The following PRELID2 variants were observed in gnomAD, a reference collection of about 807,000 sequenced individuals.
The protein encoded by PRELID2 is PRELI domain containing 2.
In PRELID2, 25 loss-of-function variants were observed where a neutral mutation model predicts 28.4. The ratio of observed to expected loss-of-function variants is 0.88; its 90% CI spans 0.64 to 1.23. The LOEUF is 1.23. Ranked by LOEUF, PRELID2 falls within the 50% of genes most tolerant of loss-of-function variation. The pLI, the probability that PRELID2 is intolerant of heterozygous loss-of-function variation, is 0.00. For missense variants in PRELID2, 201 were observed against 214.4 expected (o/e 0.94, Z 0.39); for synonymous variants, 76 against 71.6 (o/e 1.06, Z -0.31).
At chr5:145,499,950 T>C (rs1013537629) in intron 1 of PRELID2, among the ~76,000 whole-genome samples, 23 of 152,234 alleles carry the variant, frequency 1.5e-4, no homozygotes, top group African/African-American at 5.5e-4. Context: ...CACACTTGGC[T>C]TTAATCTTGG....
At chr5:145,367,624 G>A in the PRELID2 span, among the ~76,000 whole-genome samples, 1 of 151,734 alleles carries the variant, frequency 6.6e-6, no homozygotes. Flanking sequence ...CCTCCTTTCT[G>A]CTAATCCCTG....
At chr5:145,718,713 C>T (rs909342468) in intron 1 of PRELID2, among the ~76,000 whole-genome samples, 1 of 151,858 alleles carries the variant, frequency 6.6e-6, no homozygotes, top group Non-Finnish European at 1.5e-5. Context: ...GAGAAACACA[C>T]TAGTGTGTTT....
chr5:145,370,853 T>G, the PRELID2 span, among the ~76,000 whole-genome samples: 2 of 152,098 alleles, frequency 1.3e-5, no homozygotes, highest in Non-Finnish European at 2.9e-5. Flanking sequence ...GCTGTATTCC[T>G]AGGTATTTTA....
chr5:145,740,112 A>G (rs1756614450), intron 1 of PRELID2, among the ~76,000 whole-genome samples: 1 of 150,380 alleles, frequency 6.6e-6, no homozygotes. Flanking sequence ...ATAATCACAC[A>G]GGCAGGTTGA....
At chr5:145,458,596 G>A in the PRELID2 span, among the ~76,000 whole-genome samples, 1 of 152,050 alleles carries the variant, frequency 6.6e-6, no homozygotes, top group Non-Finnish European at 1.5e-5. Context: ...TAGAAACCAT[G>A]GATGCTGTAT....
intron 1 of PRELID2, among the ~76,000 whole-genome samples, chr5:145,691,213 T>G (rs1755142735): frequency 6.6e-6 from 1 of 152,166 alleles, no homozygotes; most frequent in Non-Finnish European, 1.5e-5. Context: ...TTATAACCAT[T>G]CAACAACGTT....
intron 1 of PRELID2, among the ~76,000 whole-genome samples, chr5:145,602,946 G>A (rs1303206565): frequency 6.6e-6 from 1 of 152,146 alleles, no homozygotes; most frequent in Admixed American, 6.6e-5. Context: ...CAGCTATTTG[G>A]GAGGCTGAGG....
At chr5:145,809,240 C>G (rs950398075) in intron 4 of PRELID2, among the ~76,000 whole-genome samples, 9 of 152,250 alleles carry the variant, frequency 5.9e-5, no homozygotes, top group African/African-American at 2.2e-4. Context: ...CAGGGTTTCT[C>G]CATGTTGCCC....
chr5:145,470,286 T>G (rs946991044), downstream of PRELID2, among the ~76,000 whole-genome samples: 11 of 152,120 alleles, frequency 7.2e-5, no homozygotes, highest in Non-Finnish European at 1.6e-4. Context: ...TAAGACTTTC[T>G]CTACAAAAAC....
the PRELID2 span, among the ~76,000 whole-genome samples, chr5:145,268,397 G>A: frequency 1.3e-4 from 20 of 152,168 alleles, no homozygotes; most frequent in East Asian, 2.1e-3. Flanking sequence ...TGAAGAGACC[G>A]TCCTTTCCTC....
intron 1 of PRELID2, among the ~76,000 whole-genome samples, chr5:145,664,592 T>A (rs1233692680): frequency 6.6e-6 from 1 of 152,128 alleles, no homozygotes; most frequent in Admixed American, 6.5e-5. Context: ...CCCGCTTTTT[T>A]AATCTAACTC....
chr5:145,796,546 T>C lies in PRELID2; in HGVS notation c.370A>G (p.Thr124Ala). ...ATCCTGCCTCTTTGAATGAACTCTG[T>C]CCTGCAAAAAAAACAAAAAACACAT... ...FRESMENPNW[T>A]EFIQRGRISI... is the part of the protein sequence containing the mutation. Residue 124 changes from threonine to alanine, a missense_variant and splice_region_variant, in exon 5 of 7, where the codon ACA becomes GCA. Thr to Ala is a moderately conservative substitution (Grantham distance 58, BLOSUM62 0). Coordinates refer to ENST00000683046, the MANE Select transcript of PRELID2 (RefSeq NM_205846.3). The C allele has an allele frequency of 6.3e-7, 1 of 1,591,892 alleles. No homozygotes were observed. The highest frequency in any genetic ancestry group is 8.6e-7 in the Non-Finnish European group (1 of 1,169,246).
chr5:145,290,759 A>G, the PRELID2 span, among the ~76,000 whole-genome samples: 2 of 152,194 alleles, frequency 1.3e-5, no homozygotes, highest in Admixed American at 6.5e-5. Flanking sequence ...AAAATAAAAT[A>G]AAATGAAAAG....
the PRELID2 span, among the ~76,000 whole-genome samples, chr5:145,460,292 T>C: frequency 2.0e-5 from 3 of 152,228 alleles, no homozygotes; most frequent in Non-Finnish European, 4.4e-5. Flanking sequence ...ACTGCCACCA[T>C]GCACACCATC....
At chr5:145,407,843 A>C in the PRELID2 span, among the ~76,000 whole-genome samples, 1 of 152,168 alleles carries the variant, frequency 6.6e-6, no homozygotes, top group Non-Finnish European at 1.5e-5. Flanking sequence ...ACCAGCATTC[A>C]AGAAAACCAA....
chr5:145,413,937 T>C, the PRELID2 span, among the ~76,000 whole-genome samples: 1 of 152,224 alleles, frequency 6.6e-6, no homozygotes, highest in African/African-American at 2.4e-5. Flanking sequence ...TATTCATCTG[T>C]TGATGAACAC....
intron 1 of PRELID2, among the ~76,000 whole-genome samples, chr5:145,581,399 C>G (rs1049818832): frequency 6.6e-6 from 1 of 152,082 alleles, no homozygotes; most frequent in Admixed American, 6.6e-5. Context: ...CGCAGACATG[C>G]AAGGATATAT....
the PRELID2 span, among the ~76,000 whole-genome samples, chr5:145,397,803 A>T: frequency 6.6e-6 from 1 of 152,176 alleles, no homozygotes; most frequent in South Asian, 2.1e-4. Context: ...AAATGGTCAG[A>T]GAAGCGAAAA....
chr5:145,570,195 A>C (rs987559724), intron 1 of PRELID2, among the ~76,000 whole-genome samples: 1 of 152,162 alleles, frequency 6.6e-6, no homozygotes, highest in Non-Finnish European at 1.5e-5. Context: ...CCTCATCTTA[A>C]CTAGATTACC....
Sources: gnomAD v4.1 joint callset for allele counts (sites outside exome capture counted in the v4.1 genomes callset) on GRCh38, gnomAD v4.1.1 for gene constraint, MANE v1.5 for transcripts, NCBI Gene and HGNC (gene_info 2026-07-23, HGNC 2026-07-21) for gene names.